Variants in IL1RAPL2 observed in about 807,000 individuals in gnomAD.
IL1RAPL2 encodes interleukin 1 receptor accessory protein like 2.
Under a neutral mutation model 44.1 loss-of-function variants are expected in IL1RAPL2, and 3 were observed. The observed-to-expected ratio is 0.07, with a 90% confidence interval of 0.03 to 0.18. The LOEUF is 0.18. Among genes scored for constraint, IL1RAPL2 ranks in the 10% least tolerant of loss-of-function variants. The probability of loss-of-function intolerance (pLI) is 1.00; values close to 1 mark genes in which losing one functional copy is unlikely to be tolerated. For missense variants in IL1RAPL2, 391 were observed against 496.4 expected (o/e 0.79, Z 2.02); for synonymous variants, 181 against 178.8 (o/e 1.01, Z -0.10).
At chrX:105,671,795 C>T (rs1424548728) in intron 6 of IL1RAPL2, among the ~76,000 whole-genome samples, 1 of 110,990 alleles carries the variant, frequency 9.0e-6, no homozygotes, top group Non-Finnish European at 1.9e-5. Flanking sequence ...AATGTGAAAC[C>T]TTTTGTTATA....
intron 2 of IL1RAPL2, among the ~76,000 whole-genome samples, chrX:105,113,155 G>T (rs2032818677): frequency 8.9e-6 from 1 of 112,302 alleles, no homozygotes; most frequent in Admixed American, 9.4e-5. Context: ...AGCTCTATTA[G>T]CAGTGCATTT....
At chrX:105,113,320 A>G (rs1281636299) in intron 2 of IL1RAPL2, among the ~76,000 whole-genome samples, 2 of 112,406 alleles carry the variant, frequency 1.8e-5, no homozygotes, top group East Asian at 5.6e-4. Flanking sequence ...TGGAAATGGC[A>G]TTCTTTTCTC....
intron 2 of IL1RAPL2, among the ~76,000 whole-genome samples, chrX:104,665,152 CAT>C (rs1408264931): frequency 2.7e-5 from 3 of 110,367 alleles, no homozygotes; most frequent in African/African-American, 9.8e-5. Context: ...TTTTTGAATA[CAT>C]AAAATTTTTA....
intron 7 of IL1RAPL2, 86 bp downstream of exon 7, chrX:105,717,582 C>T: frequency 1.1e-6 from 1 of 921,581 alleles, no homozygotes; most frequent in East Asian, 3.6e-5. Flanking sequence ...TCATTCCATT[C>T]TCTAAAAGCT....
intron 2 of IL1RAPL2, among the ~76,000 whole-genome samples, chrX:104,798,424 C>T (rs982265040): frequency 3.7e-5 from 4 of 109,199 alleles, no homozygotes; most frequent in East Asian, 2.9e-4. Context: ...TTTGGGAGGC[C>T]GAGGCGGGCG....
At chrX:105,234,078 T>A in intron 4 of IL1RAPL2, 74 bp downstream of exon 4, 1 of 807,590 alleles carries the variant, frequency 1.2e-6, no homozygotes, top group Non-Finnish European at 1.7e-6. Context: ...AAGGGAGATT[T>A]TTTTACTAGT....
chrX:105,443,778 A>G (rs942208170), intron 5 of IL1RAPL2, among the ~76,000 whole-genome samples: 1 of 112,352 alleles, frequency 8.9e-6, no homozygotes, highest in Admixed American at 9.5e-5. Flanking sequence ...AATCTTGGCA[A>G]TTGTAAACAG....
At chrX:104,886,814 T>A (rs920255239) in intron 2 of IL1RAPL2, among the ~76,000 whole-genome samples, 5 of 111,425 alleles carry the variant, frequency 4.5e-5, no homozygotes, top group African/African-American at 1.6e-4. Context: ...ATAGCCCTCA[T>A]CCGTTTGGTC....
At chrX:104,947,226 G>A (rs889474057) in intron 2 of IL1RAPL2, among the ~76,000 whole-genome samples, 7 of 110,835 alleles carry the variant, frequency 6.3e-5, no homozygotes, top group Non-Finnish European at 1.1e-4. Context: ...TTTGAGAAGT[G>A]TCTGTTCCTG....
At chrX:104,669,149 A>T (rs187739555) in intron 2 of IL1RAPL2, among the ~76,000 whole-genome samples, 1 of 111,336 alleles carries the variant, frequency 9.0e-6, no homozygotes, top group Non-Finnish European at 1.9e-5. Flanking sequence ...CGCCCTCCCC[A>T]AGGCTAAAGA....
chrX:105,385,332 A>G (rs1478901407), intron 5 of IL1RAPL2, among the ~76,000 whole-genome samples: 1 of 110,717 alleles, frequency 9.0e-6, no homozygotes, highest in African/African-American at 3.3e-5. Flanking sequence ...CACTGTTATT[A>G]TTATTGTCTT....
chrX:104,820,676 C>G (rs905272830), intron 2 of IL1RAPL2, among the ~76,000 whole-genome samples: 2 of 111,915 alleles, frequency 1.8e-5, no homozygotes, highest in African/African-American at 6.5e-5. Flanking sequence ...GTTTGAATCT[C>G]TGGGTTTAAG....
intron 2 of IL1RAPL2, among the ~76,000 whole-genome samples, chrX:104,897,225 A>T: frequency 8.9e-6 from 1 of 111,893 alleles, no homozygotes; most frequent in Non-Finnish European, 1.9e-5. Flanking sequence ...GGCTCAAGAG[A>T]GCTGGATGTC....
intron 5 of IL1RAPL2, among the ~76,000 whole-genome samples, chrX:105,450,249 G>A (rs776556983): frequency 9.0e-6 from 1 of 111,432 alleles, no homozygotes; most frequent in South Asian, 3.8e-4. Context: ...TGGGAGATGG[G>A]GGAGTGGTGG....
intron 5 of IL1RAPL2, among the ~76,000 whole-genome samples, chrX:105,358,360 C>CTTTTTTT (rs398069281): frequency 1.1e-5 from 1 of 87,990 alleles, no homozygotes; most frequent in African/African-American, 4.0e-5. Context: ...AAAGTTCAGT[C>CTTTTTTT]TTTTTTTTTT....
chrX:104,906,223 G>A (rs985160963), intron 2 of IL1RAPL2, among the ~76,000 whole-genome samples: 1 of 111,409 alleles, frequency 9.0e-6, no homozygotes, highest in Non-Finnish European at 1.9e-5. Context: ...ATGGGGTTTT[G>A]TAGATATACA....
chrX:104,594,644 G>A (rs1334993503), intron 1 of IL1RAPL2, among the ~76,000 whole-genome samples: 4 of 112,139 alleles, frequency 3.6e-5, no homozygotes, highest in Non-Finnish European at 7.5e-5. Context: ...AAATAAATAT[G>A]TTATTACAAC....
chrX:105,427,742 G>A (rs2035820677), intron 5 of IL1RAPL2, among the ~76,000 whole-genome samples: 1 of 112,018 alleles, frequency 8.9e-6, no homozygotes, highest in African/African-American at 3.2e-5. Context: ...CCTTGTGTGA[G>A]GGCAACATGT....
intron 2 of IL1RAPL2, among the ~76,000 whole-genome samples, chrX:104,755,537 T>G (rs1932328163): frequency 9.1e-6 from 1 of 110,370 alleles, no homozygotes; most frequent in South Asian, 3.9e-4. Context: ...AAGTTAAAGT[T>G]TTTGAGAAAT....
Sources: gnomAD v4.1 joint callset for allele counts (sites outside exome capture counted in the v4.1 genomes callset) on GRCh38, gnomAD v4.1.1 for gene constraint, MANE v1.5 for transcripts, NCBI Gene and HGNC (gene_info 2026-07-23, HGNC 2026-07-21) for gene names.